B3GLCT: variants seen among roughly 807,000 people sequenced by gnomAD.
The protein encoded by B3GLCT is beta 3-glucosyltransferase.
In B3GLCT, 65 loss-of-function variants were observed where a neutral mutation model predicts 63.4. The ratio of observed to expected loss-of-function variants is 1.03; its 90% confidence interval spans 0.84 to 1.26. The LOEUF (loss-of-function observed/expected upper bound fraction) is 1.26, where lower values mean the gene tolerates loss of function less well. Among genes scored for constraint, B3GLCT ranks in the 50% most tolerant of loss-of-function variants. The pLI is 0.00. For missense variants in B3GLCT, 577 were observed against 604.8 expected, an observed-to-expected ratio of 0.95 and a Z score of 0.48; for synonymous variants, 233 against 219.2, an observed-to-expected ratio of 1.06 and a Z score of -0.55.
chr13:31,263,788 G>A (rs1186806938), intron 7 of B3GLCT, among the ~76,000 whole-genome samples: 1 of 152,198 alleles, frequency 6.6e-6, no homozygotes, highest in Non-Finnish European at 1.5e-5. Flanking sequence ...AAGGTAGCCA[G>A]TGCCCAGCTT....
intron 4 of B3GLCT, among the ~76,000 whole-genome samples, chr13:31,240,100 T>G (rs1870850978): frequency 6.6e-6 from 1 of 152,060 alleles, no homozygotes; most frequent in Admixed American, 6.5e-5. Context: ...TACATTATGG[T>G]TCCAGGCAAG....
intron 4 of B3GLCT, among the ~76,000 whole-genome samples, chr13:31,233,576 G>A (rs1012258515): frequency 6.6e-6 from 1 of 152,116 alleles, no homozygotes; most frequent in Non-Finnish European, 1.5e-5. Flanking sequence ...CCTACATTCT[G>A]CATTCCAGTG....
At chr13:31,222,347 G>T (rs1593253833) in intron 2 of B3GLCT, among the ~76,000 whole-genome samples, 1 of 151,894 alleles carries the variant, frequency 6.6e-6, no homozygotes, top group South Asian at 2.1e-4. Flanking sequence ...AAGTGCTGGG[G>T]TTACAGGTAT....
At chr13:31,213,021 TGTGTGTGTGTGTGTGCACGC>T (rs1566042116) in intron 1 of B3GLCT, among the ~76,000 whole-genome samples, 2 of 151,328 alleles carry the variant, frequency 1.3e-5, no homozygotes, top group African/African-American at 4.9e-5. Flanking sequence ...TTGGGCTTTG[TGTGTGTGTGTGTGTGCACGC>T]GTGCGCGTGT....
At position 31,323,969 on chromosome 13, in the gene B3GLCT, T is replaced by C. The variant is rs555337640; in HGVS notation, c.1329+74T>C. 9.0e-6 allele frequency: 14 copies of C among 1,554,354 alleles called. No individual in the cohort carries two copies. In the Admixed American group the frequency reaches 1.2e-4, roughly 13 times the overall value. On this transcript the variant is annotated intron_variant, in intron 14 of 14. Transcript: ENST00000343307. ...TCTTCTCACTTAAGGATTTGACTTC[T>C]TTCTCTTCACATATTCGGGAAACAG...
intron 4 of B3GLCT, among the ~76,000 whole-genome samples, chr13:31,233,145 T>A (rs1463386311): frequency 1.3e-5 from 2 of 152,320 alleles, no homozygotes; most frequent in Middle Eastern, 3.4e-3. Flanking sequence ...AAATGAAAAT[T>A]TAAGTAACTT....
At chr13:31,238,727 A>C (rs983075638) in intron 4 of B3GLCT, among the ~76,000 whole-genome samples, 1 of 152,204 alleles carries the variant, frequency 6.6e-6, no homozygotes, top group Non-Finnish European at 1.5e-5. Flanking sequence ...GGATTGCTTG[A>C]ATCTAAGAGT....
chr13:31,247,300 G>A (rs1157670869), intron 5 of B3GLCT, among the ~76,000 whole-genome samples: 1 of 150,588 alleles, frequency 6.6e-6, no homozygotes, highest in Non-Finnish European at 1.5e-5. Flanking sequence ...TTTTTTTTTG[G>A]AGACAGAGTC....
chr13:31,250,254 A>G (rs1280492282), intron 6 of B3GLCT, among the ~76,000 whole-genome samples: 1 of 152,098 alleles, frequency 6.6e-6, no homozygotes, highest in African/African-American at 2.4e-5. Context: ...GCTCACTGCA[A>G]CCTCCACCTC....
chr13:31,268,372 G>A (rs982246599), intron 7 of B3GLCT, among the ~76,000 whole-genome samples: 2 of 152,190 alleles, frequency 1.3e-5, no homozygotes, highest in African/African-American at 4.8e-5. Context: ...GGTGGGCAGT[G>A]CTGGCAAGAC....
At chr13:31,203,442 A>G (rs1868784394) in intron 1 of B3GLCT, among the ~76,000 whole-genome samples, 1 of 152,174 alleles carries the variant, frequency 6.6e-6, no homozygotes, top group Non-Finnish European at 1.5e-5. Context: ...TCTGTTTCAA[A>G]TAGCAGTGTG....
rs747551295 is a variant in B3GLCT, at chr13:31,229,304, G to A, written c.270+10G>A. The A allele has an allele frequency of 1.3e-5, 20 of 1,483,200 alleles. No homozygotes were observed. The highest frequency in any genetic ancestry group is 2.8e-5 in the African/African-American group (2 of 72,312). 91.9% of individuals were successfully genotyped at this position (1,483,200 alleles called of 1,614,324 possible). A position where few individuals can be genotyped will look rare whatever the true frequency, so the allele number is the denominator to read the frequency against. On this transcript the variant is annotated intron_variant, in intron 4 of 14. Transcript: ENST00000343307. ...TGCAGATCTTACACAGGTACGTAGC[G>A]ATGGCTGGGGGGTCTGCCAGTTATG...
chr13:31,263,419 G>A (rs33962985), intron 7 of B3GLCT, among the ~76,000 whole-genome samples: 59,558 of 152,066 alleles, frequency 0.39, 12,363 homozygotes, highest in Non-Finnish European at 0.47. Context: ...ATATAGGGCA[G>A]TTCAACCTAA....
At chr13:31,238,464 A>G (rs1005828199) in intron 4 of B3GLCT, among the ~76,000 whole-genome samples, 13 of 152,216 alleles carry the variant, frequency 8.5e-5, no homozygotes, top group African/African-American at 1.9e-4. Flanking sequence ...TTTCCAATCT[A>G]TAACTCAGCT....
intron 12 of B3GLCT, among the ~76,000 whole-genome samples, chr13:31,290,128 T>G (rs1566083881): frequency 6.6e-6 from 1 of 152,212 alleles, no homozygotes; most frequent in Non-Finnish European, 1.5e-5. Flanking sequence ...TTTGGTTTTC[T>G]GTTCCTGTAT....
chr13:31,217,239 A>G (rs1485116793), intron 2 of B3GLCT, among the ~76,000 whole-genome samples: 2 of 152,144 alleles, frequency 1.3e-5, no homozygotes, highest in East Asian at 3.8e-4. Context: ...GGCTGCATGT[A>G]TGTCTTCTTT....
At chr13:31,316,407 T>TTATATATATATATATA (rs71099949) in intron 12 of B3GLCT, among the ~76,000 whole-genome samples, 2,187 of 40,708 alleles carry the variant, frequency 0.054, 326 homozygotes, top group East Asian at 0.12. Context: ...TTTGGAGGTT[T>TTATATATATATATATA]TATATATATA....
intron 9 of B3GLCT, among the ~76,000 whole-genome samples, chr13:31,275,951 G>A (rs1366699028): frequency 1.3e-5 from 2 of 152,168 alleles, no homozygotes; most frequent in Middle Eastern, 3.2e-3. Context: ...CAAAGCTGTA[G>A]TTAGATGTCA....
At chr13:31,309,406 G>GA (rs1253340246) in intron 12 of B3GLCT, among the ~76,000 whole-genome samples, 1 of 152,150 alleles carries the variant, frequency 6.6e-6, no homozygotes, top group African/African-American at 2.4e-5. Context: ...CATCTGCCTG[G>GA]AGATAGCCTT....
Sources: allele counts gnomAD v4.1 joint callset (sites outside exome capture counted in the v4.1 genomes callset), GRCh38; gene constraint gnomAD v4.1.1; transcripts MANE v1.5; gene names NCBI Gene and HGNC (gene_info 2026-07-23, HGNC 2026-07-21).